Variants in CUX1 observed in about 807,000 individuals in gnomAD.
CUX1 encodes cut like homeobox 1, also known as protein CASP.
In CUX1, 31 loss-of-function variants were observed where a neutral mutation model predicts 158.8. The ratio of observed to expected loss-of-function variants is 0.20; its 90% CI spans 0.15 to 0.26. CUX1 has a LOEUF of 0.26. Among genes scored for constraint, CUX1 ranks in the 10% least tolerant of loss-of-function variants. CUX1 has a pLI of 1.00. For missense variants in CUX1, 1,589 were observed against 2,014.6 expected (o/e 0.79, Z 4.04); for synonymous variants, 879 against 862.1 (o/e 1.02, Z -0.34).
intron 4 of CUX1, among the ~76,000 whole-genome samples, chr7:102,085,962 G>T (rs144110016): frequency 2.6e-5 from 4 of 152,230 alleles, no homozygotes; most frequent in African/African-American, 9.6e-5. Flanking sequence ...AGGCTATTAA[G>T]TTTTTTAAAT....
intron 8 of CUX1, among the ~76,000 whole-genome samples, chr7:102,148,349 ACCAACATG>A (rs2131466959): frequency 6.6e-6 from 1 of 152,102 alleles, no homozygotes; most frequent in East Asian, 1.9e-4. Flanking sequence ...GATCAGCCTG[ACCAACATG>A]GTGAAACCCC....
intron 2 of CUX1, among the ~76,000 whole-genome samples, chr7:102,017,013 G>A (rs781734018): frequency 2.0e-5 from 3 of 152,060 alleles, no homozygotes; most frequent in Non-Finnish European, 4.4e-5. Flanking sequence ...TCCATAAAAC[G>A]TTAGCTTGGG....
At chr7:102,213,880 C>T (rs1177492670) in intron 20 of CUX1, among the ~76,000 whole-genome samples, 1 of 152,184 alleles carries the variant, frequency 6.6e-6, no homozygotes, top group Middle Eastern at 3.2e-3. Context: ...CACCTGTAAT[C>T]CCAGCACTTT....
chr7:102,257,615 T>C lies in CUX1; in HGVS notation c.*8573T>C. The C allele has an allele frequency of 4.1e-6, 4 of 985,378 alleles. No homozygotes were observed. The highest frequency in any genetic ancestry group is 4.8e-6 in the Non-Finnish European group (4 of 829,926). The allele number at this position is 985,378 out of a possible 1,614,324, so 61.0% of individuals were successfully genotyped here. ...CTTTGCTGCTTGCCTTGAGAGCGGG[T>C]AGCACCACGCTCCTGTCCAGACTAC... On this transcript the variant is annotated 3_prime_UTR_variant, in exon 24 of 24. Transcript: ENST00000292535.
At chr7:102,184,618 C>G (rs952950523) in intron 11 of CUX1, among the ~76,000 whole-genome samples, 4 of 152,280 alleles carry the variant, frequency 2.6e-5, no homozygotes, top group Admixed American at 2.6e-4. Flanking sequence ...GTGTAAAGCC[C>G]ACGTGTGTTC....
chr7:102,168,935 TTTC>T (rs782116923), intron 9 of CUX1, among the ~76,000 whole-genome samples: 2,069 of 77,844 alleles, frequency 0.027, 74 homozygotes, highest in Non-Finnish European at 0.041. Context: ...TTTCTTTTAT[TTTC>T]TTTTTTTTTT....
chr7:102,023,274 G>T (rs1357815325), intron 2 of CUX1, among the ~76,000 whole-genome samples: 3 of 152,110 alleles, frequency 2.0e-5, no homozygotes, highest in Non-Finnish European at 4.4e-5. Flanking sequence ...GTTCCACTGT[G>T]GTTTTGGCCA....
intron 1 of CUX1, among the ~76,000 whole-genome samples, chr7:101,897,105 A>T (rs1295878831): frequency 2.0e-5 from 3 of 152,246 alleles, no homozygotes; most frequent in Admixed American, 6.5e-5. Flanking sequence ...ATTTATATCA[A>T]GCAAACTATT....
intron 10 of CUX1, among the ~76,000 whole-genome samples, chr7:102,172,564 A>T (rs562744415): frequency 6.6e-6 from 1 of 152,150 alleles, no homozygotes; most frequent in African/African-American, 2.4e-5. Flanking sequence ...TTTTTTATAT[A>T]GATGAAGAAA....
intron 8 of CUX1, among the ~76,000 whole-genome samples, chr7:102,143,263 G>T (rs1834656748): frequency 6.6e-6 from 1 of 152,034 alleles, no homozygotes; most frequent in Non-Finnish European, 1.5e-5. Context: ...TCTGTTCTTG[G>T]CTAACAATCT....
At chr7:101,952,085 C>T (rs1228152769) in intron 2 of CUX1, among the ~76,000 whole-genome samples, 1 of 152,166 alleles carries the variant, frequency 6.6e-6, no homozygotes, top group African/African-American at 2.4e-5. Flanking sequence ...GACCTGGGGA[C>T]TTGTTAGAAT....
intron 1 of CUX1, among the ~76,000 whole-genome samples, chr7:101,833,172 G>A (rs1038930782): frequency 6.6e-6 from 1 of 151,924 alleles, no homozygotes; most frequent in African/African-American, 2.4e-5. Flanking sequence ...GCTGAGGCAG[G>A]AGGATCACTT....
chr7:102,009,545 G>A (rs1268464388), intron 2 of CUX1, among the ~76,000 whole-genome samples: 1 of 152,184 alleles, frequency 6.6e-6, no homozygotes, highest in Non-Finnish European at 1.5e-5. Context: ...CTCCCGCCTT[G>A]GCCTCCCAAA....
chr7:101,816,010 T>C, upstream of CUX1: 1 of 1,409,206 alleles, frequency 7.1e-7, no homozygotes, highest in East Asian at 3.7e-5. Context: ...AGCCGCTCAC[T>C]CCGTCTCAAT....
At chr7:102,281,240 T>C (rs1792039542) in intron 20 of CUX1, among the ~76,000 whole-genome samples, 1 of 151,826 alleles carries the variant, frequency 6.6e-6, no homozygotes. Context: ...CGCAGTGGTG[T>C]GCACCTGTAG....
In CUX1 at chr7:101,979,303, G is replaced by GAGCA. The variant is rs773111163; in HGVS notation, c.142-48794_142-48791dup. On this transcript the variant is annotated intron_variant, in intron 2 of 23. Transcript: ENST00000292535. ...GAGGGGCTCTGAGACCCTCACCCTG[G>GAGCA]AGCAGGTCATCACCCACACCGAAGG... Among the ~76,000 whole-genome samples the GAGCA allele has an allele frequency of 1.8e-4, 27 of 152,316 alleles. No individual in the cohort carries two copies. In the Middle Eastern group the frequency reaches 0.021, roughly 116 times the overall value.
intron 1 of CUX1, among the ~76,000 whole-genome samples, chr7:101,895,259 A>G (rs1430539423): frequency 6.6e-6 from 1 of 151,978 alleles, no homozygotes; most frequent in Non-Finnish European, 1.5e-5. Flanking sequence ...GACCTCAAAC[A>G]CTGGGTATTT....
intron 4 of CUX1, among the ~76,000 whole-genome samples, chr7:102,093,877 C>G (rs1402734652): frequency 6.6e-6 from 1 of 152,112 alleles, no homozygotes; most frequent in East Asian, 1.9e-4. Flanking sequence ...CAGGGGTTAC[C>G]GGATTTTGTG....
In CUX1 at chr7:101,965,704, C is replaced by T. The variant is rs535020270; in HGVS notation, c.141+49479C>T. On this transcript the variant is annotated intron_variant, in intron 2 of 23. Transcript: ENST00000292535. ...CTACTAAAAATACAAAAAAAATTAG[C>T]GGGGCGTGGTGGCAGGCGCCTGTAG... 3.4e-4 allele frequency among the ~76,000 whole-genome samples: 51 copies of T among 151,562 alleles called. 1 individual carries two copies. The highest frequency in any genetic ancestry group is 1.1e-3 in the African/African-American group (47 of 41,266).
Sources: allele counts gnomAD v4.1 joint callset (sites outside exome capture counted in the v4.1 genomes callset), GRCh38; gene constraint gnomAD v4.1.1; transcripts MANE v1.5; gene names NCBI Gene and HGNC (gene_info 2026-07-23, HGNC 2026-07-21).